Variants in MAN2A1 observed in about 807,000 individuals in gnomAD.
MAN2A1 encodes mannosidase alpha class 2A member 1.
A neutral mutation model predicts 142.6 loss-of-function variants in MAN2A1; 76 were observed. The observed-to-expected ratio is 0.53, with a 90% confidence interval of 0.44 to 0.65. The LOEUF is 0.65. MAN2A1 is among the 30% of genes least tolerant of loss of function. The pLI, the probability that MAN2A1 is intolerant of heterozygous loss-of-function variation, is 0.00. For synonymous variants in MAN2A1, 559 were observed against 473.2 expected (o/e 1.18, Z -2.35); for missense variants, 1,311 against 1,365.1 (o/e 0.96, Z 0.62).
chr5:109,696,462 A>G lies in MAN2A1; in HGVS notation c.135+5910A>G, dbSNP rs548940304. Among the ~76,000 whole-genome samples, 26 of 152,324 alleles carry G rather than the reference A, an allele frequency of 1.7e-4. 1 individual carries two copies. In the South Asian group the frequency reaches 5.2e-3, roughly 30 times the overall value. On this transcript the variant is annotated intron_variant, in intron 1 of 21. Transcript: ENST00000261483. ...TAACATACTGTTTTCTAAAGAAGAG[A>G]AAGTACTTTAGTTTAAAACTGGACA...
intron 2 of MAN2A1, among the ~76,000 whole-genome samples, chr5:109,715,108 G>A (rs1751416211): frequency 6.6e-6 from 1 of 152,010 alleles, no homozygotes; most frequent in African/African-American, 2.4e-5. Context: ...TGGGAGAGCT[G>A]CAGGACTGAA....
At chr5:109,789,267 A>C (rs1290335304) in intron 11 of MAN2A1, among the ~76,000 whole-genome samples, 193 bp from the exon 12 acceptor site, 2 of 151,812 alleles carry the variant, frequency 1.3e-5, no homozygotes, top group African/African-American at 4.8e-5. Context: ...GAATACTATT[A>C]AGATGTTAGT....
intron 1 of MAN2A1, among the ~76,000 whole-genome samples, chr5:109,700,832 A>C (rs1750959379): frequency 6.6e-6 from 1 of 152,202 alleles, no homozygotes; most frequent in African/African-American, 2.4e-5. Flanking sequence ...CCACTGTACT[A>C]TACCCATATC....
chr5:109,817,247 C>T, intron 12 of MAN2A1, 26 bp from the exon 13 acceptor site: 1 of 1,605,718 alleles, frequency 6.2e-7, no homozygotes, highest in Non-Finnish European at 8.5e-7. Context: ...TTTGAGATCC[C>T]AATAATGAAG....
intron 1 of MAN2A1, among the ~76,000 whole-genome samples, chr5:109,704,352 T>G (rs1371776483): frequency 2.0e-5 from 3 of 152,260 alleles, no homozygotes; most frequent in Non-Finnish European, 2.9e-5. Flanking sequence ...ACGTATTTTT[T>G]GTGCTCACAT....
intron 8 of MAN2A1, among the ~76,000 whole-genome samples, chr5:109,780,134 T>C (rs1196269327): frequency 6.6e-6 from 1 of 152,178 alleles, no homozygotes; most frequent in Non-Finnish European, 1.5e-5. Flanking sequence ...CTCTGCTCAC[T>C]GCAAGGTCGG....
intron 5 of MAN2A1, among the ~76,000 whole-genome samples, chr5:109,765,457 A>G (rs1296548370): frequency 6.6e-6 from 1 of 152,160 alleles, no homozygotes; most frequent in Non-Finnish European, 1.5e-5. Context: ...GCATCATATC[A>G]GGAGGCATGT....
chr5:109,713,245 A>G (rs1237547285), intron 1 of MAN2A1, among the ~76,000 whole-genome samples: 1 of 152,202 alleles, frequency 6.6e-6, no homozygotes, highest in Admixed American at 6.5e-5. Flanking sequence ...TGGGGGGAAC[A>G]GAAATATTTC....
At chr5:109,830,813 G>A (rs1485320885) in intron 16 of MAN2A1, among the ~76,000 whole-genome samples, 6 of 152,268 alleles carry the variant, frequency 3.9e-5, no homozygotes, top group South Asian at 2.1e-4. Flanking sequence ...GCTATGTGAC[G>A]AATCTGATCA....
chr5:109,742,458 CT>C (rs1752295815), intron 4 of MAN2A1, among the ~76,000 whole-genome samples: 1 of 152,206 alleles, frequency 6.6e-6, no homozygotes, highest in African/African-American at 2.4e-5. Flanking sequence ...AATTTTTCCC[CT>C]AGGTTTATAT....
At chr5:109,776,435 A>G (rs528956203) in intron 8 of MAN2A1, among the ~76,000 whole-genome samples, 1 of 152,060 alleles carries the variant, frequency 6.6e-6, no homozygotes, top group Non-Finnish European at 1.5e-5. Flanking sequence ...TGAATATGTG[A>G]TCAGAGGAAG....
At chr5:109,733,763 C>T (rs1312607710) in intron 4 of MAN2A1, among the ~76,000 whole-genome samples, 1 of 152,056 alleles carries the variant, frequency 6.6e-6, no homozygotes, top group Non-Finnish European at 1.5e-5. Flanking sequence ...ATTCGGTTTG[C>T]CAGTATTTTA....
intron 1 of MAN2A1, among the ~76,000 whole-genome samples, chr5:109,691,819 C>A (rs1227388169): frequency 1.3e-5 from 2 of 152,232 alleles, no homozygotes; most frequent in East Asian, 1.9e-4. Flanking sequence ...AAAATAGAAA[C>A]AAGCACTGAG....
At chr5:109,807,327 A>G (rs1194017692) in intron 12 of MAN2A1, among the ~76,000 whole-genome samples, 1 of 152,178 alleles carries the variant, frequency 6.6e-6, no homozygotes, top group Admixed American at 6.5e-5. Flanking sequence ...GAATAGTGTA[A>G]CCTGGTATAT....
rs768163836 is a variant in MAN2A1, at chr5:109,817,357, C to T, written c.2028C>T (p.Phe676=). 2.5e-6 allele frequency: 4 copies of T among 1,614,058 alleles called. No individual in the cohort carries two copies. In the East Asian group the frequency reaches 8.9e-5, roughly 36 times the overall value. ...TGAGTTCCCCGACAGTGCAAGTGTTCTCTGCTTCAGGAAAACCTGTGGAAG... is the reference window on the plus strand; with the variant it reads ...TGAGTTCCCCGACAGTGCAAGTGTTTTCTGCTTCAGGAAAACCTGTGGAAG... The part of the protein sequence containing the change: ...VYVSSPTVQV[F]SASGKPVEVQ... The change falls in exon 13 of 22, where the codon TTC becomes TTT. Residue 676 remains phenylalanine (F), a synonymous_variant. Transcript: ENST00000261483.
chr5:109,764,366 A>T (rs959117296), intron 5 of MAN2A1, among the ~76,000 whole-genome samples: 8 of 152,150 alleles, frequency 5.3e-5, no homozygotes, highest in African/African-American at 1.9e-4. Context: ...ACTTTTGATA[A>T]TCTTGTTCTT....
intron 15 of MAN2A1, 78 bp downstream of exon 15, chr5:109,820,420 A>G: frequency 7.4e-7 from 1 of 1,358,722 alleles, no homozygotes; most frequent in African/African-American, 1.5e-5. Context: ...AGTGAGTGTC[A>G]TTATTTTATC....
intron 3 of MAN2A1, among the ~76,000 whole-genome samples, chr5:109,720,574 T>C (rs180979765): frequency 9.8e-5 from 15 of 152,298 alleles, no homozygotes; most frequent in Non-Finnish European, 1.8e-4. Flanking sequence ...TTGGCTAATA[T>C]CTCTATTAGG....
At chr5:109,709,954 G>C (rs1032956934) in intron 1 of MAN2A1, among the ~76,000 whole-genome samples, 1 of 152,140 alleles carries the variant, frequency 6.6e-6, no homozygotes, top group African/African-American at 2.4e-5. Flanking sequence ...CTTTAATGCA[G>C]ACTACAAGTG....
Sources: gnomAD v4.1 joint callset for allele counts (sites outside exome capture counted in the v4.1 genomes callset) on GRCh38, gnomAD v4.1.1 for gene constraint, MANE v1.5 for transcripts, NCBI Gene and HGNC (gene_info 2026-07-23, HGNC 2026-07-21) for gene names.